Variants in MIA3 observed in about 807,000 individuals in gnomAD.
MIA3 encodes the protein transport and Golgi organization protein 1 homolog.
In MIA3, 90 loss-of-function variants were observed where a neutral mutation model predicts 192.4. The ratio of observed to expected loss-of-function variants is 0.47; its 90% CI spans 0.39 to 0.56. MIA3 has a LOEUF of 0.56. MIA3 is among the 20% of genes least tolerant of loss of function. The pLI, the probability that MIA3 is intolerant of heterozygous loss-of-function variation, is 0.00. For missense variants in MIA3, 2,123 were observed against 2,269.4 expected, an observed-to-expected ratio of 0.94 and a Z score of 1.31; for synonymous variants, 740 against 792.8, an observed-to-expected ratio of 0.93 and a Z score of 1.12.
At chr1:222,626,461 G>A (rs1249368427) in intron 3 of MIA3, among the ~76,000 whole-genome samples, 2 of 152,216 alleles carry the variant, frequency 1.3e-5, no homozygotes. Context: ...CAGTACACAG[G>A]ACAGTTCTCA....
rs775919475 is a variant in MIA3 at position 222,633,084 on chromosome 1, A to G, written c.3332-20A>G. On this transcript the variant is annotated intron_variant, in intron 5 of 27. Transcript: ENST00000344922. ...TCTTATTCTAAAGCACAAAATGTCT[A>G]TCTTTCCTCCCAATTCCAGGGCCAG... The G allele has an allele frequency of 6.4e-7, 1 of 1,574,168 alleles. No homozygotes were observed. The highest frequency in any genetic ancestry group is 8.6e-7 in the Non-Finnish European group (1 of 1,164,438).
chr1:222,622,810 G>T (rs1661934268), intron 2 of MIA3, among the ~76,000 whole-genome samples: 1 of 152,038 alleles, frequency 6.6e-6, no homozygotes, highest in African/African-American at 2.4e-5. Context: ...CTGCAGTTTT[G>T]CTCATTCACG....
chr1:222,628,725 A>T lies in MIA3; in HGVS notation c.1505A>T (p.Asn502Ile). The T allele has an allele frequency of 1.2e-6, 2 of 1,614,158 alleles. No individual in the cohort carries two copies. The highest frequency in any genetic ancestry group is 1.7e-6 in the Non-Finnish European group (2 of 1,180,034). Residue 502 changes from asparagine (N) to isoleucine (I), a missense_variant, in exon 4 of 28, where the codon AAT (asparagine) becomes ATT (isoleucine). This residue lies in a region of MIA3 where 1,357 missense variants were observed against 1,396.1 expected (regional missense o/e 0.97). Transcript: ENST00000344922. Reference sequence around the variant, plus strand: ...ACTGTGCACAGTTCTGTTCACAGCAATAACCTCAACTCTATGCCAGCTGCT... The same window carrying T: ...ACTGTGCACAGTTCTGTTCACAGCATTAACCTCAACTCTATGCCAGCTGCT... ...GMTVHSSVHS[N>I]NLNSMPAAEK...
At chr1:222,644,691 T>C (rs1166462957) in intron 6 of MIA3, 1 of 1,256,726 alleles carries the variant, frequency 8.0e-7, no homozygotes, top group African/African-American at 1.5e-5. Context: ...AGAAATGGAG[T>C]GTGTCAGATC....
Position 222,629,798 on chromosome 1 carries a change from G to A in MIA3, c.2578G>A (p.Glu860Lys), listed in dbSNP as rs749661146. The A allele has an allele frequency of 9.3e-6, 15 of 1,614,040 alleles. No individual in the cohort carries two copies. In the African/African-American group the frequency reaches 2.0e-4, roughly 22 times the overall value. ...TTATCTGAAGAACGACAACCCTGAG[G>A]AACATCTGAAGACCTCAGGGCTTGC... ...SDYLKNDNPE[E>K]HLKTSGLAGE... The change falls in exon 4 of 28, where the codon GAA (glutamate) becomes AAA (lysine). Residue 860 changes from glutamate (E) to lysine (K), a missense_variant. Physicochemically the swap from Glu to Lys is moderately conservative, Grantham distance 56 (BLOSUM62 1). This residue lies in a region of MIA3 where 1,357 missense variants were observed against 1,396.1 expected (regional missense o/e 0.97). Transcript: ENST00000344922.
chr1:222,641,597 A>G (rs1354499040), intron 6 of MIA3: 1 of 525,064 alleles, frequency 1.9e-6, no homozygotes, highest in Non-Finnish European at 3.8e-6. Context: ...TTATCTACAT[A>G]GTACCCAGTT....
Position 222,624,808 on chromosome 1 carries a change from A to G in MIA3, c.308A>G (p.Gln103Arg), listed in dbSNP as rs374726806. 1.2e-6 allele frequency: 2 copies of G among 1,602,608 alleles called. No homozygotes were observed. The highest frequency in any genetic ancestry group is 1.7e-6 in the Non-Finnish European group (2 of 1,170,494). The change falls in exon 3 of 28, where the codon CAG (glutamine) becomes CGG (arginine). Residue 103 changes from glutamine (Q) to arginine (R), a missense_variant. Coordinates refer to ENST00000344922, the MANE Select transcript of MIA3 (RefSeq NM_198551.4). ...GGATATTTTCCAAAAGATTTAATCC[A>G]GGTAGTTCATGAATATACCAAAGAA... is the stretch of plus-strand genomic sequence containing the variant. ...TFGYFPKDLI[Q>R]VVHEYTKEEL...
intron 4 of MIA3, among the ~76,000 whole-genome samples, chr1:222,631,177 A>C (rs554057440): frequency 4.7e-5 from 7 of 149,254 alleles, no homozygotes; most frequent in Non-Finnish European, 1.0e-4. Context: ...GCTGGAGTAC[A>C]GTGGCATGAT....
chr1:222,618,580 G>A (rs1198079199), intron 1 of MIA3, among the ~76,000 whole-genome samples: 1 of 152,116 alleles, frequency 6.6e-6, no homozygotes, highest in Non-Finnish European at 1.5e-5. Flanking sequence ...GGCTCACAGC[G>A]TCCCCTTCCC....
At chr1:222,644,578 C>A (rs1663041563) in intron 6 of MIA3, 1 of 1,550,592 alleles carries the variant, frequency 6.4e-7, no homozygotes, top group Non-Finnish European at 8.7e-7. Context: ...CATAGCCAAG[C>A]TGCTGGAGGT....
In MIA3 at chr1:222,630,032, C is replaced by T. The variant is rs1553282645; in HGVS notation, c.2812C>T (p.Arg938Trp). 6.2e-6 allele frequency: 10 copies of T among 1,614,016 alleles called. No individual in the cohort carries two copies. Among genetic ancestry groups the T allele is most frequent in the Admixed American group, 3.3e-5 (2 of 59,994 alleles). The part of the protein sequence containing the change: ...SFFKEQQSLQ[R>W]FQKYFNVHEL... ...CTTTAAAGAACAACAGTCTTTGCAG[C>T]GGTTCCAGAAGTACTTTAATGTCCA... The change falls in exon 4 of 28, where the codon CGG (arginine) becomes TGG (tryptophan). Residue 938 changes from arginine to tryptophan, a missense_variant. This residue lies in a region of MIA3 where 1,357 missense variants were observed against 1,396.1 expected (regional missense o/e 0.97). Coordinates refer to ENST00000344922, the MANE Select transcript of MIA3 (RefSeq NM_198551.4).
Position 222,635,571 on chromosome 1 carries a change from A to T in MIA3, c.3477+2322A>T, listed in dbSNP as rs149203113. On this transcript the variant is annotated intron_variant, in intron 6 of 27. Coordinates refer to ENST00000344922, the MANE Select transcript of MIA3 (RefSeq NM_198551.4). ...GAAAGTCTTCAAAAAAAGTTTACCA[A>T]ATACATGTGAAAATTGGAGAAAGTG... 9.8e-5 allele frequency among the ~76,000 whole-genome samples: 15 copies of T among 152,360 alleles called. No homozygotes were observed. The East Asian group carries it at 2.9e-3, about 29-fold the overall frequency.
rs1156798438 is a variant in MIA3 at position 222,665,466 on chromosome 1, T to A, written c.5571T>A (p.Gly1857=). The change falls in exon 28 of 28, where the codon GGT becomes GGA. Residue 1857 remains glycine (G), a synonymous_variant. Transcript: ENST00000344922. ...SLGPREYFIP[G]TRLPPPTHGP... ...GCCCAAGAGAGTACTTTATTCCTGG[T>A]ACCCGATTACCACCCCCAACCCATG... The A allele has an allele frequency of 1.2e-6, 2 of 1,613,952 alleles. No individual in the cohort carries two copies. Among genetic ancestry groups the A allele is most frequent in the South Asian group, 2.2e-5 (2 of 91,082 alleles).
At chr1:222,641,778 G>A (rs1374269915) in intron 6 of MIA3, 2 of 558,122 alleles carry the variant, frequency 3.6e-6, no homozygotes, top group Non-Finnish European at 3.6e-6. Context: ...CAATGGAGGT[G>A]GACAAGAACT....
intron 3 of MIA3, among the ~76,000 whole-genome samples, chr1:222,626,501 A>G (rs1662125127): frequency 6.6e-6 from 1 of 152,220 alleles, no homozygotes; most frequent in African/African-American, 2.4e-5. Context: ...TAGTTAGGGG[A>G]AGAAAGTTAT....
Position 222,666,775 on chromosome 1 carries a change from T to C in MIA3, c.*1156T>C, listed in dbSNP as rs1664310612. 1 of 151,012 alleles carries C rather than the reference T, an allele frequency of 6.6e-6. No homozygotes were observed. Among genetic ancestry groups the C allele is most frequent in the Admixed American group, 6.6e-5 (1 of 15,250 alleles). 9.4% of individuals were successfully genotyped at this position (151,012 alleles called of 1,614,324 possible). On this transcript the variant is annotated 3_prime_UTR_variant, in exon 28 of 28. Coordinates refer to ENST00000344922, the MANE Select transcript of MIA3 (RefSeq NM_198551.4). ...GTTGGTGTTTTTATTTAAAAATCAG[T>C]AACTAACCATCTGGAATTGCACCAT... is the stretch of plus-strand genomic sequence containing the variant.
intron 7 of MIA3, among the ~76,000 whole-genome samples, chr1:222,647,043 T>G (rs1553286351): frequency 6.6e-6 from 1 of 152,214 alleles, no homozygotes; most frequent in Non-Finnish European, 1.5e-5. Context: ...ATAAAAATTC[T>G]TATATCTAGG....
chr1:222,640,159 A>G (rs1662789382), intron 6 of MIA3, among the ~76,000 whole-genome samples: 1 of 152,166 alleles, frequency 6.6e-6, no homozygotes, highest in Non-Finnish European at 1.5e-5. Flanking sequence ...TGCATTAAAA[A>G]CTATAAAATA....
intron 6 of MIA3, among the ~76,000 whole-genome samples, 171 bp downstream of exon 6, chr1:222,633,420 T>G (rs1309829579): frequency 2.0e-5 from 3 of 152,192 alleles, no homozygotes; most frequent in African/African-American, 7.2e-5. Flanking sequence ...GGCTCTTAGT[T>G]CAGCACATGA....
Sources: gnomAD v4.1 joint callset for allele counts (sites outside exome capture counted in the v4.1 genomes callset) on GRCh38, gnomAD v4.1.1 for gene constraint, gnomAD v4.1.1 regional missense constraint, MANE v1.5 for transcripts, NCBI Gene and HGNC (gene_info 2026-07-23, HGNC 2026-07-21) for gene names.